The following RBMS3 variants were observed in gnomAD, a reference collection of about 807,000 sequenced individuals.
The protein encoded by RBMS3 is RNA-binding motif, single-stranded-interacting protein 3.
In RBMS3, 27 loss-of-function variants were observed where a neutral mutation model predicts 66.8. That is an observed-to-expected ratio of 0.40 (90% CI 0.30 to 0.56). The LOEUF is 0.56. Ranked by LOEUF, RBMS3 falls within the 20% of genes least tolerant of loss-of-function variation. RBMS3 has a pLI of 0.40. For synonymous variants in RBMS3, 188 were observed against 183.0 expected (o/e 1.03, Z -0.22); for missense variants, 513 against 549.5 (o/e 0.93, Z 0.66).
chr3:29,837,082 A>C (rs368576024), intron 6 of RBMS3, among the ~76,000 whole-genome samples: 6 of 152,016 alleles, frequency 3.9e-5, no homozygotes, highest in African/African-American at 1.4e-4. Flanking sequence ...GCTGCACTCA[A>C]ATGATAGTTT....
At chr3:29,696,677 C>T (rs7615981) in intron 4 of RBMS3, among the ~76,000 whole-genome samples, 69,473 of 151,940 alleles carry the variant, frequency 0.46, 16,725 homozygotes, top group South Asian at 0.55. Context: ...TCTGTTTTAG[C>T]TCTTGCTCCC....
intron 4 of RBMS3, among the ~76,000 whole-genome samples, chr3:29,621,722 CT>C (rs1232349910): frequency 1.3e-5 from 2 of 151,646 alleles, no homozygotes; most frequent in East Asian, 3.9e-4. Context: ...AAGCATGCTA[CT>C]TTGTTGTGGC....
chr3:29,625,170 T>C (rs939387211), intron 4 of RBMS3, among the ~76,000 whole-genome samples: 9 of 152,238 alleles, frequency 5.9e-5, no homozygotes, highest in Admixed American at 2.6e-4. Flanking sequence ...TTTAAAACTC[T>C]TTCTTTATAA....
chr3:29,869,352 A>T (rs1179964878), intron 7 of RBMS3, among the ~76,000 whole-genome samples: 1 of 152,170 alleles, frequency 6.6e-6, no homozygotes, highest in Non-Finnish European at 1.5e-5. Flanking sequence ...TGAAACAGGC[A>T]GACAAAATTT....
intron 4 of RBMS3, among the ~76,000 whole-genome samples, chr3:29,683,815 T>C (rs893058804): frequency 5.3e-5 from 8 of 152,306 alleles, no homozygotes; most frequent in Admixed American, 3.3e-4. Flanking sequence ...CTTTTCATGA[T>C]ATGGTTTCTC....
intron 1 of RBMS3, among the ~76,000 whole-genome samples, chr3:29,368,938 A>G (rs1266333342): frequency 6.6e-6 from 1 of 152,190 alleles, no homozygotes. Flanking sequence ...TAGACTGGAT[A>G]AAGAATATGT....
At chr3:29,902,405 A>G (rs1466150206) in intron 10 of RBMS3, among the ~76,000 whole-genome samples, 1 of 151,836 alleles carries the variant, frequency 6.6e-6, no homozygotes, top group Non-Finnish European at 1.5e-5. Context: ...CTTTGTTGAG[A>G]ATCATCTATT....
At chr3:29,490,042 C>CA (rs1245001930) in intron 3 of RBMS3, among the ~76,000 whole-genome samples, 4,426 of 48,760 alleles carry the variant, frequency 0.091, 189 homozygotes, top group Non-Finnish European at 0.14. Flanking sequence ...GACTCCCTCT[C>CA]AAAAAAAAAA....
At chr3:29,964,459 G>A (rs1696691933) in intron 12 of RBMS3, among the ~76,000 whole-genome samples, 1 of 151,970 alleles carries the variant, frequency 6.6e-6, no homozygotes, top group Non-Finnish European at 1.5e-5. Flanking sequence ...GGTTAGTCTG[G>A]GACTATCCAA....
At chr3:29,879,860 G>T (rs914016547) in intron 7 of RBMS3, among the ~76,000 whole-genome samples, 1 of 151,794 alleles carries the variant, frequency 6.6e-6, no homozygotes. Flanking sequence ...ATGATTCTCT[G>T]CTCCTCAACT....
chr3:29,958,883 G>A (rs950716988), intron 12 of RBMS3, among the ~76,000 whole-genome samples: 1 of 152,314 alleles, frequency 6.6e-6, no homozygotes, highest in East Asian at 1.9e-4. Flanking sequence ...AAAGTAGGCA[G>A]TACAGCTGAT....
At chr3:29,473,160 G>A (rs967512767) in intron 2 of RBMS3, among the ~76,000 whole-genome samples, 6 of 151,438 alleles carry the variant, frequency 4.0e-5, no homozygotes, top group African/African-American at 1.5e-4. Context: ...TAGACATAAA[G>A]TTTCTCCAAG....
chr3:29,408,221 G>A (rs1475800474), intron 1 of RBMS3, among the ~76,000 whole-genome samples: 3 of 143,272 alleles, frequency 2.1e-5, no homozygotes, highest in East Asian at 2.1e-4. Context: ...GCAGTGAGCC[G>A]AGATTGCGCC....
intron 3 of RBMS3, among the ~76,000 whole-genome samples, chr3:29,541,772 C>T (rs918182296): frequency 6.6e-6 from 1 of 152,158 alleles, no homozygotes; most frequent in African/African-American, 2.4e-5. Context: ...CTTCTGTCCC[C>T]CACCTCCTCT....
intron 6 of RBMS3, among the ~76,000 whole-genome samples, chr3:29,835,433 T>A (rs901068384): frequency 4.6e-5 from 7 of 152,044 alleles, no homozygotes; most frequent in Non-Finnish European, 1.0e-4. Flanking sequence ...ATTAAGCATA[T>A]TTCTGACCCA....
chr3:29,950,506 A>C (rs1695611914), intron 12 of RBMS3, among the ~76,000 whole-genome samples: 1 of 151,866 alleles, frequency 6.6e-6, no homozygotes, highest in Non-Finnish European at 1.5e-5. Flanking sequence ...CAAAGTGGGC[A>C]CTTGAGGCGC....
At chr3:29,563,714 A>C (rs1376950817) in intron 3 of RBMS3, among the ~76,000 whole-genome samples, 21 of 152,158 alleles carry the variant, frequency 1.4e-4, no homozygotes, top group Non-Finnish European at 5.9e-5. Flanking sequence ...TAAATATTAT[A>C]ATTGGATGTA....
At chr3:29,315,434 A>G (rs1463780507) in intron 1 of RBMS3, among the ~76,000 whole-genome samples, 1 of 151,840 alleles carries the variant, frequency 6.6e-6, no homozygotes, top group Non-Finnish European at 1.5e-5. Context: ...ACATACATAC[A>G]TGCATTCATG....
intron 1 of RBMS3, among the ~76,000 whole-genome samples, chr3:29,294,464 C>T (rs1402711871): frequency 6.6e-6 from 1 of 151,550 alleles, no homozygotes; most frequent in East Asian, 1.9e-4. Flanking sequence ...AAACATAGTA[C>T]TGCATTATAA....
Sources: allele counts gnomAD v4.1 joint callset (sites outside exome capture counted in the v4.1 genomes callset), GRCh38; gene constraint gnomAD v4.1.1; transcripts MANE v1.5; gene names NCBI Gene and HGNC (gene_info 2026-07-23, HGNC 2026-07-21).